Variants in VAV3 observed in about 807,000 individuals in gnomAD.
VAV3 encodes the protein guanine nucleotide exchange factor VAV3.
A neutral mutation model predicts 131.2 loss-of-function variants in VAV3; 94 were observed. The observed-to-expected ratio is 0.72, with a 90% confidence interval of 0.61 to 0.85. The LOEUF (loss-of-function observed/expected upper bound fraction) is 0.85. VAV3 is among the 40% of genes least tolerant of loss of function. VAV3 has a pLI of 0.00. For synonymous variants in VAV3, 349 were observed against 342.0 expected, an observed-to-expected ratio of 1.02 and a Z score of -0.22; for missense variants, 939 against 1,002.7, an observed-to-expected ratio of 0.94 and a Z score of 0.86.
intron 2 of VAV3, among the ~76,000 whole-genome samples, chr1:107,796,164 T>C (rs1317858365): frequency 3.9e-5 from 6 of 152,062 alleles, no homozygotes; most frequent in Non-Finnish European, 7.4e-5. Context: ...CAAAATGCCA[T>C]GCAACCAGCA....
intron 1 of VAV3, among the ~76,000 whole-genome samples, chr1:107,899,097 G>A (rs1257127010): frequency 4.6e-5 from 7 of 152,190 alleles, no homozygotes; most frequent in Admixed American, 4.6e-4. Context: ...GTGGTTCTGA[G>A]AGGGCACAAA....
rs151273089 is a variant in VAV3 at position 107,886,658 on chromosome 1, A to C, written c.205-11641T>G. 5.6e-3 allele frequency among the ~76,000 whole-genome samples: 847 copies of C among 152,234 alleles called. 11 individuals are homozygous for C. The highest frequency in any genetic ancestry group is 0.02 in the African/African-American group (815 of 41,532). On this transcript the variant is annotated intron_variant, in intron 1 of 26. Transcript: ENST00000370056. ...CAAAATAGCTTTCCTCTTCTTATGA[A>C]TCTTATTCATCTAGGTTTGTACAAA...
chr1:107,800,222 T>C (rs1666762445), intron 2 of VAV3, among the ~76,000 whole-genome samples: 1 of 152,168 alleles, frequency 6.6e-6, no homozygotes, highest in South Asian at 2.1e-4. Context: ...GTAATATAAG[T>C]GCTAGGTTAT....
At chr1:107,586,659 GATTA>G (rs1318863365) in intron 25 of VAV3, among the ~76,000 whole-genome samples, 4 of 152,050 alleles carry the variant, frequency 2.6e-5, no homozygotes, top group African/African-American at 9.6e-5. Context: ...ATGAGGAATT[GATTA>G]ATTATTTTGA....
intron 15 of VAV3, among the ~76,000 whole-genome samples, chr1:107,728,622 T>C (rs541449945): frequency 9.6e-5 from 10 of 103,770 alleles, no homozygotes; most frequent in African/African-American, 3.1e-4. Flanking sequence ...TGTATATGTA[T>C]ATGTATATGT....
intron 19 of VAV3, chr1:107,669,612 GTTTT>G (rs552434763): frequency 3.8e-6 from 4 of 1,061,532 alleles, no homozygotes; most frequent in African/African-American, 3.4e-5. Flanking sequence ...TGCACAACAG[GTTTT>G]TTTGTTTTTC....
At chr1:107,798,442 G>A (rs1666657191) in intron 2 of VAV3, among the ~76,000 whole-genome samples, 1 of 151,960 alleles carries the variant, frequency 6.6e-6, no homozygotes, top group African/African-American at 2.4e-5. Flanking sequence ...ACCGAGGCCA[G>A]GCGTGGTGGC....
At chr1:107,915,072 T>C (rs1672544747) in intron 1 of VAV3, among the ~76,000 whole-genome samples, 1 of 152,178 alleles carries the variant, frequency 6.6e-6, no homozygotes, top group Non-Finnish European at 1.5e-5. Flanking sequence ...AGGGACTCAC[T>C]TGAATAGTGA....
chr1:107,582,465 GGTTA>G (rs780982936), intron 25 of VAV3, among the ~76,000 whole-genome samples: 77 of 151,834 alleles, frequency 5.1e-4, no homozygotes, highest in Non-Finnish European at 7.9e-4. Flanking sequence ...ACAATGTGCA[GGTTA>G]GTTACATATG....
intron 1 of VAV3, among the ~76,000 whole-genome samples, chr1:107,894,769 C>G (rs1571106383): frequency 6.6e-6 from 1 of 152,134 alleles, no homozygotes; most frequent in Non-Finnish European, 1.5e-5. Context: ...ATGCAATTAT[C>G]AAATGTACTT....
intron 2 of VAV3, among the ~76,000 whole-genome samples, chr1:107,874,411 C>A (rs1435615515): frequency 2.6e-5 from 4 of 152,154 alleles, no homozygotes; most frequent in African/African-American, 9.7e-5. Context: ...TGATTCATGT[C>A]TTCTCTGAGT....
intron 2 of VAV3, among the ~76,000 whole-genome samples, chr1:107,871,593 G>A (rs1670256443): frequency 6.6e-6 from 1 of 152,048 alleles, no homozygotes; most frequent in East Asian, 1.9e-4. Flanking sequence ...TGAGGAAAGA[G>A]CTCAATTCTA....
At chr1:107,678,887 T>G (rs905737734) in intron 19 of VAV3, among the ~76,000 whole-genome samples, 2 of 152,068 alleles carry the variant, frequency 1.3e-5, no homozygotes, top group Non-Finnish European at 2.9e-5. Context: ...GACACTGCTA[T>G]ACGTAATAAA....
chr1:107,635,696 A>G (rs1418254408), intron 20 of VAV3, among the ~76,000 whole-genome samples: 2 of 152,190 alleles, frequency 1.3e-5, no homozygotes, highest in African/African-American at 4.8e-5. Context: ...GAAACTCACA[A>G]AACTAGTTTC....
intron 2 of VAV3, chr1:107,821,041 G>GA (rs1667771694): frequency 1.3e-5 from 2 of 152,144 alleles, no homozygotes; most frequent in Non-Finnish European, 2.9e-5. Context: ...GCTGTCTCTG[G>GA]AAAAATACAA....
At chr1:107,594,465 C>T (rs1402251397) in intron 25 of VAV3, among the ~76,000 whole-genome samples, 2 of 152,018 alleles carry the variant, frequency 1.3e-5, no homozygotes, top group Non-Finnish European at 2.9e-5. Context: ...GTTTTAGTGG[C>T]TTGATTCAAG....
intron 1 of VAV3, among the ~76,000 whole-genome samples, chr1:107,959,817 A>G (rs1674996790): frequency 6.6e-6 from 1 of 152,104 alleles, no homozygotes; most frequent in African/African-American, 2.4e-5. Flanking sequence ...AGGCACTTCA[A>G]TCATAACTAG....
intron 4 of VAV3, among the ~76,000 whole-genome samples, chr1:107,774,047 A>G (rs1285947780): frequency 6.6e-6 from 1 of 152,004 alleles, no homozygotes; most frequent in Non-Finnish European, 1.5e-5. Flanking sequence ...ATAAATTAGC[A>G]CAGACTTTTC....
At chr1:107,807,003 AC>A (rs1667091486) in intron 2 of VAV3, among the ~76,000 whole-genome samples, 1 of 152,234 alleles carries the variant, frequency 6.6e-6, no homozygotes, top group African/African-American at 2.4e-5. Flanking sequence ...TGGATTAATG[AC>A]AAGGAAAAAG....
Sources: allele counts gnomAD v4.1 joint callset (sites outside exome capture counted in the v4.1 genomes callset), GRCh38; gene constraint gnomAD v4.1.1; transcripts MANE v1.5; gene names NCBI Gene and HGNC (gene_info 2026-07-23, HGNC 2026-07-21).